The following RXRA variants were observed in gnomAD, a reference collection of about 807,000 sequenced individuals.
RXRA encodes retinoid X receptor alpha.
RXRA carries 5 observed loss-of-function variants against 44.5 expected under a neutral mutation model. That is an observed-to-expected ratio of 0.11 (90% CI 0.06 to 0.24). The LOEUF is 0.24. Among genes scored for constraint, RXRA ranks in the 10% least tolerant of loss-of-function variants. The probability of loss-of-function intolerance (pLI) is 1.00; values close to 1 mark genes in which losing one functional copy is unlikely to be tolerated. For synonymous variants in RXRA, 291 were observed against 271.4 expected (o/e 1.07, Z -0.71); for missense variants, 412 against 646.5 (o/e 0.64, Z 3.93).
chr9:134,393,432 C>T (rs117657837), intron 1 of RXRA, among the ~76,000 whole-genome samples: 1,850 of 152,262 alleles, frequency 0.012, 58 homozygotes, highest in South Asian at 0.11. Flanking sequence ...CATGGTGGTT[C>T]AGGCAGCCTG....
chr9:134,352,128 A>G (rs1291752110), intron 1 of RXRA, among the ~76,000 whole-genome samples: 6 of 152,106 alleles, frequency 3.9e-5, no homozygotes, highest in Non-Finnish European at 4.4e-5. Flanking sequence ...GGGTGCAGCA[A>G]GGGGAGGGTT....
chr9:134,380,882 C>T (rs573289894), intron 1 of RXRA, among the ~76,000 whole-genome samples: 6 of 152,056 alleles, frequency 3.9e-5, no homozygotes, highest in Non-Finnish European at 7.4e-5. Flanking sequence ...ATGGCCGGAT[C>T]CCCCCCTGTC....
intron 1 of RXRA, among the ~76,000 whole-genome samples, chr9:134,341,693 C>T (rs1014872892): frequency 6.6e-6 from 1 of 152,202 alleles, no homozygotes; most frequent in African/African-American, 2.4e-5. Context: ...TTTCTGGGAG[C>T]TCCAGGGCGG....
intron 8 of RXRA, among the ~76,000 whole-genome samples, 185 bp downstream of exon 8, chr9:134,432,181 C>G (rs1208989484): frequency 6.6e-6 from 1 of 152,148 alleles, no homozygotes; most frequent in Non-Finnish European, 1.5e-5. Flanking sequence ...ACCTTGAGGG[C>G]CAGCCAAGGG....
At position 134,380,822 on chromosome 9, in the gene RXRA, C is replaced by T. The variant is rs115630277; in HGVS notation, c.29-20810C>T. Among the ~76,000 whole-genome samples the T allele has an allele frequency of 4.6e-3, 703 of 152,268 alleles. 3 individuals carry two copies. The highest frequency in any genetic ancestry group is 0.015 in the African/African-American group (640 of 41,560). ...GCCTCCTCCAGAATCCAGGGCTGCC[C>T]GTCCTGAGGTAAGGGGCTTTGAGCT... On this transcript the variant is annotated intron_variant, in intron 1 of 9. Coordinates refer to ENST00000481739, the MANE Select transcript of RXRA (RefSeq NM_002957.6).
intron 1 of RXRA, among the ~76,000 whole-genome samples, chr9:134,368,636 G>C (rs1295574761): frequency 6.6e-6 from 1 of 151,876 alleles, no homozygotes; most frequent in Non-Finnish European, 1.5e-5. Context: ...GTGTGGCTGT[G>C]TGGTGTGTGT....
intron 1 of RXRA, among the ~76,000 whole-genome samples, chr9:134,389,734 T>G (rs1289218878): frequency 6.6e-6 from 1 of 152,156 alleles, no homozygotes; most frequent in Non-Finnish European, 1.5e-5. Context: ...CAGACGTTCC[T>G]GCGGGAGGCA....
At chr9:134,377,129 A>G (rs1045494782) in intron 1 of RXRA, among the ~76,000 whole-genome samples, 1 of 152,172 alleles carries the variant, frequency 6.6e-6, no homozygotes, top group Non-Finnish European at 1.5e-5. Context: ...TTGGGGACGG[A>G]GCCCCAAGCT....
chr9:134,327,959 G>A (rs892361268), intron 1 of RXRA, among the ~76,000 whole-genome samples: 16 of 152,290 alleles, frequency 1.1e-4, no homozygotes, highest in African/African-American at 3.8e-4. Flanking sequence ...GGGCGCTCAT[G>A]CCCATTTTGC....
chr9:134,389,552 T>C lies in RXRA; in HGVS notation c.29-12080T>C, dbSNP rs558733013. Among the ~76,000 whole-genome samples, 484 of 152,188 alleles carry C rather than the reference T, an allele frequency of 3.2e-3. 3 individuals carry two copies. The highest frequency in any genetic ancestry group is 0.01 in the Middle Eastern group (3 of 294). On this transcript the variant is annotated intron_variant, in intron 1 of 9. Coordinates refer to ENST00000481739, the MANE Select transcript of RXRA (RefSeq NM_002957.6). The stretch of plus-strand genomic sequence containing the variant: ...ATCCTAGGCCTGGGGCTTTGGATTT[T>C]GGGGGTGTAATAGGGAGCCCTGGGA...
chr9:134,410,028 C>G (rs527992053), intron 4 of RXRA, among the ~76,000 whole-genome samples: 1 of 152,360 alleles, frequency 6.6e-6, no homozygotes, highest in South Asian at 2.1e-4. Context: ...ACACCACTGT[C>G]TCACCGTCAG....
At position 134,433,698 on chromosome 9, in the gene RXRA, C is replaced by T. The variant is rs540188739; in HGVS notation, c.1136-404C>T. Among the ~76,000 whole-genome samples, 3 of 151,882 alleles carry T rather than the reference C, an allele frequency of 2.0e-5. No individual in the cohort carries two copies. In the South Asian group the frequency reaches 6.2e-4, roughly 32 times the overall value. On this transcript the variant is annotated intron_variant, in intron 8 of 9. Transcript: ENST00000481739. The surrounding 1 kb of genome is among the most constrained non-coding windows in gnomAD (Gnocchi z 4.2). ...GTACTCCTGGGGGCAGCAGCGCTAT[C>T]TCCCATCCATGTTATGGGGCTGGGA... is the stretch of plus-strand genomic sequence containing the variant.
chr9:134,331,306 A>G (rs1254067445), intron 1 of RXRA, among the ~76,000 whole-genome samples: 5 of 152,228 alleles, frequency 3.3e-5, no homozygotes, highest in African/African-American at 1.2e-4. Flanking sequence ...TTACAAAGCA[A>G]TTGTCTAGCT....
rs1351572039 is a variant in RXRA, at chr9:134,426,346, CT to C, written c.911-2761del. 6.1e-6 allele frequency: 6 copies of C among 985,314 alleles called. No individual in the cohort carries two copies. In the African/African-American group the frequency reaches 1.0e-4, roughly 17 times the overall value. The allele number at this position is 985,314 out of a possible 1,614,324, so 61.0% of individuals were successfully genotyped here. A position where few individuals can be genotyped will look rare whatever the true frequency, so the allele number is the denominator to read the frequency against. Reference sequence around the variant, plus strand: ...GAAGGTGAAGACACCCCAAAGGTTACTGTAAAGTGGGTTCCTCTCCTATTTT... The same window carrying C: ...GAAGGTGAAGACACCCCAAAGGTTACGTAAAGTGGGTTCCTCTCCTATTTT... On this transcript the variant is annotated intron_variant, in intron 6 of 9. Coordinates refer to ENST00000481739, the MANE Select transcript of RXRA (RefSeq NM_002957.6). The surrounding 1 kb of genome is among the most constrained non-coding windows in gnomAD (Gnocchi z 4.6).
Position 134,437,966 on chromosome 9 carries a change from T to TG in RXRA, c.*1353dup. 1 of 152,244 alleles carries TG rather than the reference T, an allele frequency of 6.6e-6. No individual in the cohort carries two copies. The highest frequency in any genetic ancestry group is 2.4e-5 in the African/African-American group (1 of 41,296). 9.4% of individuals were successfully genotyped at this position (152,244 alleles called of 1,614,324 possible). A position where few individuals can be genotyped will look rare whatever the true frequency, so the allele number is the denominator to read the frequency against. On this transcript the variant is annotated 3_prime_UTR_variant, in exon 10 of 10. Coordinates refer to ENST00000481739, the MANE Select transcript of RXRA (RefSeq NM_002957.6). ...TTGGGGCCTCCCTGGCTCAGCCCAG[T>TG]GCGGCCTGGCGCTCCTCCCGCAGGC...
chr9:134,425,722 G>C, intron 6 of RXRA: 1 of 985,374 alleles, frequency 1.0e-6, no homozygotes, highest in East Asian at 1.1e-4. Flanking sequence ...TCTGGCCCCA[G>C]AACACAGGGT....
At chr9:134,425,077 C>T (rs1445592162) in intron 6 of RXRA, 1 of 985,332 alleles carries the variant, frequency 1.0e-6, no homozygotes, top group Non-Finnish European at 1.2e-6. Context: ...CATGCAGGTT[C>T]AAGGCCCAAG....
intron 2 of RXRA, among the ~76,000 whole-genome samples, chr9:134,406,593 G>C (rs1224695013): frequency 2.0e-5 from 3 of 152,182 alleles, no homozygotes; most frequent in Non-Finnish European, 2.9e-5. Context: ...CTAGACCAGC[G>C]AGCCCTGGAG....
At position 134,408,274 on chromosome 9, in the gene RXRA, C is replaced by A; in HGVS notation, c.405C>A (p.Cys135Ter). The A allele has an allele frequency of 6.2e-7, 1 of 1,610,172 alleles. No individual in the cohort carries two copies. The highest frequency in any genetic ancestry group is 8.5e-7 in the Non-Finnish European group (1 of 1,178,642). Reference protein sequence around the residue: ...GNMASFTKHICAICGDRSSGK... With the variant: ...GNMASFTKHI The stretch of plus-strand genomic sequence containing the variant: ...TGGCTTCCTTCACCAAGCACATCTG[C>A]GCCATCTGCGGGGACCGCTCCTCAG... The change falls in exon 3 of 10, where the codon TGC (cysteine) becomes TGA (stop). Residue 135 changes from cysteine (C) to a stop codon, truncating the protein, a stop_gained. Coordinates refer to ENST00000481739, the MANE Select transcript of RXRA (RefSeq NM_002957.6). LOFTEE classifies it high-confidence loss of function.
Sources: gnomAD v4.1 joint callset for allele counts (sites outside exome capture counted in the v4.1 genomes callset) on GRCh38, gnomAD v4.1.1 for gene constraint, Gnocchi (gnomAD v3.1) non-coding constraint, MANE v1.5 for transcripts, NCBI Gene and HGNC (gene_info 2026-07-23, HGNC 2026-07-21) for gene names.